The following AHCYL2 variants were observed in gnomAD, a reference collection of about 807,000 sequenced individuals.
The protein encoded by AHCYL2 is S-adenosylhomocysteine hydrolase-like protein 2.
In AHCYL2, 28 loss-of-function variants were observed where a neutral mutation model predicts 81.4. That is an observed-to-expected ratio of 0.34 (90% CI 0.25 to 0.47). AHCYL2 has a LOEUF of 0.47. AHCYL2 is among the 20% of genes least tolerant of loss of function. The probability of loss-of-function intolerance (pLI) is 1.00; values close to 1 mark genes in which losing one functional copy is unlikely to be tolerated. For missense variants in AHCYL2, 551 were observed against 785.1 expected (o/e 0.70, Z 3.56); for synonymous variants, 272 against 290.2 (o/e 0.94, Z 0.64).
At chr7:129,372,230 A>G (rs1473315853) in intron 1 of AHCYL2, among the ~76,000 whole-genome samples, 1 of 152,248 alleles carries the variant, frequency 6.6e-6, no homozygotes, top group African/African-American at 2.4e-5. Context: ...ATCTCAGCAT[A>G]CATTTTAAAT....
intron 1 of AHCYL2, among the ~76,000 whole-genome samples, chr7:129,313,713 A>G (rs1350735703): frequency 6.6e-6 from 1 of 152,224 alleles, no homozygotes; most frequent in African/African-American, 2.4e-5. Flanking sequence ...GACACAATGA[A>G]AAAAATAGAA....
intron 1 of AHCYL2, among the ~76,000 whole-genome samples, chr7:129,233,635 G>A (rs958943767): frequency 3.3e-5 from 5 of 151,862 alleles, no homozygotes; most frequent in African/African-American, 9.7e-5. Context: ...CTACAGGCAC[G>A]CACTACCACG....
intron 4 of AHCYL2, among the ~76,000 whole-genome samples, chr7:129,390,185 A>G (rs1795399746): frequency 6.6e-6 from 1 of 152,238 alleles, no homozygotes. Context: ...CTGCAGATCA[A>G]AAATATTCAG....
intron 2 of AHCYL2, among the ~76,000 whole-genome samples, chr7:129,382,901 T>C (rs571307522): frequency 7.9e-5 from 12 of 152,258 alleles, no homozygotes; most frequent in African/African-American, 2.6e-4. Context: ...AGTGAAACTA[T>C]GTCTCAAAAA....
rs928901570 is a variant in AHCYL2, at chr7:129,246,543, G to T, written c.363+21104G>T. Among the ~76,000 whole-genome samples the T allele has an allele frequency of 2.6e-5, 4 of 152,100 alleles. No individual in the cohort carries two copies. The East Asian group carries it at 7.7e-4, about 29-fold the overall frequency. ...GACAGGATCTCGCTCTGTCACTCTG[G>T]CTGGAGTGCCATGCTGTGAACTCGG... On this transcript the variant is annotated intron_variant, in intron 1 of 16. Coordinates refer to ENST00000325006, the MANE Select transcript of AHCYL2 (RefSeq NM_015328.4).
intron 1 of AHCYL2, among the ~76,000 whole-genome samples, chr7:129,279,275 G>A (rs1302892005): frequency 2.7e-5 from 4 of 149,504 alleles, no homozygotes; most frequent in Admixed American, 6.7e-5. Context: ...TCAGCCTCCC[G>A]AGTAGCTGGG....
chr7:129,306,705 A>G (rs968615938), intron 1 of AHCYL2, among the ~76,000 whole-genome samples: 7 of 152,118 alleles, frequency 4.6e-5, no homozygotes, highest in African/African-American at 1.4e-4. Context: ...CTTCTTAGCA[A>G]TCTGGGCTTA....
chr7:129,305,222 G>A (rs1299167548), intron 1 of AHCYL2, among the ~76,000 whole-genome samples: 1 of 152,174 alleles, frequency 6.6e-6, no homozygotes, highest in Non-Finnish European at 1.5e-5. Flanking sequence ...AGCACTTTGG[G>A]AGGCCGAGGC....
chr7:129,240,021 C>A (rs567897375), intron 1 of AHCYL2, among the ~76,000 whole-genome samples: 1 of 151,942 alleles, frequency 6.6e-6, no homozygotes, highest in Non-Finnish European at 1.5e-5. Context: ...GTTGAGAGTT[C>A]GAGACCAGCT....
At chr7:129,255,033 C>T (rs1451458627) in intron 1 of AHCYL2, among the ~76,000 whole-genome samples, 3 of 151,728 alleles carry the variant, frequency 2.0e-5, no homozygotes, top group Non-Finnish European at 2.9e-5. Flanking sequence ...GAGGCCAAGG[C>T]GGGAGGATCA....
Position 129,273,321 on chromosome 7 carries a change from C to CTTTTTTT in AHCYL2, c.363+47900_363+47906dup, listed in dbSNP as rs35236990. 9.4e-4 allele frequency among the ~76,000 whole-genome samples: 71 copies of CTTTTTTT among 75,886 alleles called. 1 individual carries two copies. The highest frequency in any genetic ancestry group is 1.4e-3 in the East Asian group (3 of 2,100). The allele number at this position is 75,886 out of a possible 152,430, so 49.8% of individuals were successfully genotyped here. ...GCAACTGTAAATCCCTTTGCTAAGACTTTTTTTTTTTTTTTTTTTTTTTTG... is the reference window on the plus strand; with the variant it reads ...GCAACTGTAAATCCCTTTGCTAAGACTTTTTTTTTTTTTTTTTTTTTTTTTTTTTTTG... On this transcript the variant is annotated intron_variant, in intron 1 of 16. Transcript: ENST00000325006.
At chr7:129,341,234 A>T (rs763535511) in intron 1 of AHCYL2, among the ~76,000 whole-genome samples, 3 of 152,230 alleles carry the variant, frequency 2.0e-5, no homozygotes, top group Non-Finnish European at 2.9e-5. Flanking sequence ...GACAAGACAA[A>T]GGAAAAGGAC....
chr7:129,389,283 T>C (rs902676415), intron 3 of AHCYL2, 84 bp downstream of exon 3: 3 of 1,527,450 alleles, frequency 2.0e-6, no homozygotes, highest in Non-Finnish European at 2.7e-6. Context: ...TGGGGTCTGG[T>C]AGCTTGTGAA....
At chr7:129,269,815 GC>G (rs1198734973) in intron 1 of AHCYL2, among the ~76,000 whole-genome samples, 4 of 152,080 alleles carry the variant, frequency 2.6e-5, no homozygotes, top group African/African-American at 9.7e-5. Context: ...CTTAATTCAT[GC>G]TTATATCCTT....
At chr7:129,293,025 G>T (rs1796922354) in intron 1 of AHCYL2, among the ~76,000 whole-genome samples, 1 of 152,090 alleles carries the variant, frequency 6.6e-6, no homozygotes, top group Non-Finnish European at 1.5e-5. Flanking sequence ...GTGTTGCCCA[G>T]GCTGGTCTCA....
intron 1 of AHCYL2, among the ~76,000 whole-genome samples, chr7:129,302,005 G>A (rs767918298): frequency 2.6e-5 from 4 of 151,916 alleles, no homozygotes; most frequent in African/African-American, 4.8e-5. Flanking sequence ...GTTCCAATCC[G>A]TGGACATGGA....
At chr7:129,423,063 C>A in intron 13 of AHCYL2, 125 bp downstream of exon 13, 4 of 688,604 alleles carry the variant, frequency 5.8e-6, no homozygotes, top group Non-Finnish European at 7.0e-6. Context: ...ACTACTTTCC[C>A]AATGGATTTT....
chr7:129,239,090 C>G (rs1337141174), intron 1 of AHCYL2, among the ~76,000 whole-genome samples: 1 of 152,152 alleles, frequency 6.6e-6, no homozygotes, highest in Non-Finnish European at 1.5e-5. Flanking sequence ...ATATTTAAAA[C>G]AAAATGGTAA....
At chr7:129,288,090 G>A (rs1235297437) in intron 1 of AHCYL2, among the ~76,000 whole-genome samples, 1 of 152,082 alleles carries the variant, frequency 6.6e-6, no homozygotes, top group African/African-American at 2.4e-5. Context: ...TTCCCTCATT[G>A]TGTTATTCAT....
Sources: gnomAD v4.1 joint callset for allele counts (sites outside exome capture counted in the v4.1 genomes callset) on GRCh38, gnomAD v4.1.1 for gene constraint, MANE v1.5 for transcripts, NCBI Gene and HGNC (gene_info 2026-07-23, HGNC 2026-07-21) for gene names.